Variants in GLI3 observed in about 807,000 individuals in gnomAD.
The protein encoded by GLI3 is transcription activator GLI3.
In GLI3, 20 loss-of-function variants were observed where a neutral mutation model predicts 100.8. The ratio of observed to expected loss-of-function variants is 0.20; its 90% confidence interval spans 0.14 to 0.29. The LOEUF (loss-of-function observed/expected upper bound fraction) is 0.29, where lower values mean the gene tolerates loss of function less well. GLI3 is among the 10% of genes least tolerant of loss of function. The pLI is 1.00. For missense variants in GLI3, 2,040 were observed against 2,128.5 expected (o/e 0.96, Z 0.82); for synonymous variants, 938 against 860.5 (o/e 1.09, Z -1.58).
At chr7:42,101,038 T>G (rs1785449621) in intron 3 of GLI3, among the ~76,000 whole-genome samples, 3 of 152,176 alleles carry the variant, frequency 2.0e-5, no homozygotes, top group South Asian at 2.1e-4. Context: ...CTGGGTTTCC[T>G]TACAATTTTG....
Position 42,137,843 on chromosome 7 carries a change from G to A in GLI3, c.367+10383C>T, listed in dbSNP as rs187909001. Among the ~76,000 whole-genome samples the A allele has an allele frequency of 2.2e-3, 328 of 152,230 alleles. 1 individual carries two copies. Among genetic ancestry groups the A allele is most frequent in the Non-Finnish European group, 2.7e-3 (187 of 68,016 alleles). On this transcript the variant is annotated intron_variant, in intron 3 of 14. Transcript: ENST00000395925. ...TTGTTTTAAAATACTACATAAAATCGCCTTAAGACTGTGTGGAAAAGGTAT... is the reference window on the plus strand; with the variant it reads ...TTGTTTTAAAATACTACATAAAATCACCTTAAGACTGTGTGGAAAAGGTAT...
At chr7:42,097,498 C>G (rs1250622754) in intron 3 of GLI3, among the ~76,000 whole-genome samples, 1 of 152,152 alleles carries the variant, frequency 6.6e-6, no homozygotes, top group Non-Finnish European at 1.5e-5. Flanking sequence ...TGGGGCCTAC[C>G]CCGGGAGCCC....
At chr7:42,132,262 G>GCCACCACGCCCA (rs1562748790) in intron 3 of GLI3, among the ~76,000 whole-genome samples, 3 of 149,994 alleles carry the variant, frequency 2.0e-5, no homozygotes, top group African/African-American at 5.0e-5. Context: ...CACTACGCCC[G>GCCACCACGCCCA]GCTAATTTTT....
At chr7:42,198,833 T>A (rs1246502134) in intron 2 of GLI3, among the ~76,000 whole-genome samples, 1 of 150,930 alleles carries the variant, frequency 6.6e-6, no homozygotes, top group Non-Finnish European at 1.5e-5. Context: ...AGAAAAAAAA[T>A]GTTAGATGGT....
chr7:42,028,401 C>T (rs1188267522), intron 7 of GLI3, among the ~76,000 whole-genome samples: 4 of 152,160 alleles, frequency 2.6e-5, no homozygotes, highest in Non-Finnish European at 4.4e-5. Context: ...ATTCAGAAAA[C>T]ATGCCCTTGA....
intron 13 of GLI3, among the ~76,000 whole-genome samples, chr7:41,970,841 C>T (rs915935300): frequency 3.2e-4 from 49 of 152,162 alleles, no homozygotes; most frequent in African/African-American, 1.2e-3. Flanking sequence ...GAGGATAAAC[C>T]GTTGAATGTT....
chr7:42,064,783 C>A (rs1304106560), intron 4 of GLI3, among the ~76,000 whole-genome samples: 1 of 152,158 alleles, frequency 6.6e-6, no homozygotes, highest in Non-Finnish European at 1.5e-5. Context: ...CCTTTTCTAG[C>A]CAAAAGAGGT....
At chr7:42,132,607 G>A (rs1209167053) in intron 3 of GLI3, among the ~76,000 whole-genome samples, 3 of 152,140 alleles carry the variant, frequency 2.0e-5, no homozygotes, top group Admixed American at 6.5e-5. Context: ...TCCATTTCAA[G>A]GAGAAAACTT....
intron 3 of GLI3, chr7:42,118,233 G>A (rs1785909036): frequency 2.5e-6 from 1 of 398,304 alleles, no homozygotes; most frequent in African/African-American, 2.1e-5. Flanking sequence ...TGCATGTTAA[G>A]TCCCAAATAG....
intron 1 of GLI3, among the ~76,000 whole-genome samples, chr7:42,262,110 C>T (rs539741393): frequency 3.3e-4 from 50 of 150,970 alleles, no homozygotes; most frequent in African/African-American, 1.0e-3. Flanking sequence ...CAGGCTGGAG[C>T]GCAGAGGTGC....
At chr7:42,178,455 A>G (rs374094693) in intron 2 of GLI3, among the ~76,000 whole-genome samples, 3 of 152,274 alleles carry the variant, frequency 2.0e-5, no homozygotes, top group South Asian at 2.1e-4. Context: ...CCCACCACCT[A>G]CAGAAAAACA....
intron 1 of GLI3, among the ~76,000 whole-genome samples, chr7:42,261,675 ATAC>A (rs1196518936): frequency 1.3e-5 from 2 of 152,208 alleles, no homozygotes; most frequent in African/African-American, 4.8e-5. Context: ...TGTAGTAGTT[ATAC>A]TAGGTCTTAC....
chr7:41,993,125 G>C (rs1255618043), intron 10 of GLI3, among the ~76,000 whole-genome samples: 2 of 152,150 alleles, frequency 1.3e-5, no homozygotes, highest in African/African-American at 2.4e-5. Flanking sequence ...AAGTCAGCTG[G>C]ATGTGTGACA....
chr7:42,045,724 A>G (rs1434364487), intron 5 of GLI3, among the ~76,000 whole-genome samples, 194 bp from the exon 6 acceptor site: 3 of 152,232 alleles, frequency 2.0e-5, no homozygotes, highest in African/African-American at 7.2e-5. Flanking sequence ...AAACTGAAGG[A>G]AAGGAATAGA....
chr7:42,026,005 A>T (rs1259935515), intron 8 of GLI3, among the ~76,000 whole-genome samples, 194 bp downstream of exon 8: 1 of 152,176 alleles, frequency 6.6e-6, no homozygotes, highest in African/African-American at 2.4e-5. Context: ...TGGGGGAAAA[A>T]ACTGTTTGAT....
intron 3 of GLI3, among the ~76,000 whole-genome samples, chr7:42,139,667 G>A (rs1466396666): frequency 1.3e-5 from 2 of 152,156 alleles, no homozygotes; most frequent in Non-Finnish European, 2.9e-5. Context: ...CAACAAGAGC[G>A]AAACTCCATC....
chr7:42,011,516 G>A (rs747436550), intron 10 of GLI3, among the ~76,000 whole-genome samples: 2 of 152,096 alleles, frequency 1.3e-5, no homozygotes, highest in African/African-American at 2.4e-5. Context: ...ATCCATCAAC[G>A]GATGCACGGA....
intron 10 of GLI3, among the ~76,000 whole-genome samples, chr7:41,992,358 G>A (rs543675654): frequency 2.0e-4 from 31 of 152,284 alleles, no homozygotes; most frequent in African/African-American, 6.3e-4. Context: ...GAGATTTGGT[G>A]ACGATTACCC....
At chr7:42,121,998 T>A (rs1426304676) in intron 3 of GLI3, among the ~76,000 whole-genome samples, 2 of 152,144 alleles carry the variant, frequency 1.3e-5, no homozygotes, top group African/African-American at 2.4e-5. Context: ...CCTCTCCCCT[T>A]GGCTTGAGGG....
Sources: gnomAD v4.1 joint callset for allele counts (sites outside exome capture counted in the v4.1 genomes callset) on GRCh38, gnomAD v4.1.1 for gene constraint, MANE v1.5 for transcripts, NCBI Gene and HGNC (gene_info 2026-07-23, HGNC 2026-07-21) for gene names.